ADD3: variants seen among roughly 807,000 people sequenced by gnomAD.
ADD3 encodes the protein gamma-adducin.
A neutral mutation model predicts 80.2 loss-of-function variants in ADD3; 25 were observed. The ratio of observed to expected loss-of-function variants is 0.31; its 90% CI spans 0.23 to 0.44. ADD3 has a LOEUF of 0.44. Ranked by LOEUF, ADD3 falls within the 20% of genes least tolerant of loss-of-function variation. The pLI, the probability that ADD3 is intolerant of heterozygous loss-of-function variation, is 1.00. For synonymous variants in ADD3, 284 were observed against 289.6 expected, an observed-to-expected ratio of 0.98 and a Z score of 0.20; for missense variants, 829 against 847.5, an observed-to-expected ratio of 0.98 and a Z score of 0.27.
At chr10:110,019,389 C>G (rs1409766379) in intron 1 of ADD3, among the ~76,000 whole-genome samples, 3 of 147,606 alleles carry the variant, frequency 2.0e-5, no homozygotes, top group Non-Finnish European at 4.4e-5. Context: ...GAGTCTTGCT[C>G]TGTTGCCCAG....
rs1443878675 is a variant in ADD3 at position 110,073,133 on chromosome 10, G to GTTT, written c.-29-27490_-29-27488dup. Among the ~76,000 whole-genome samples, 54 of 106,460 alleles carry GTTT rather than the reference G, an allele frequency of 5.1e-4. 2 individuals are homozygous for GTTT. The highest frequency in any genetic ancestry group is 1.2e-3 in the African/African-American group (27 of 22,598). 69.8% of individuals were successfully genotyped at this position (106,460 alleles called of 152,430 possible). On this transcript the variant is annotated intron_variant, in intron 1 of 14. Transcript: ENST00000356080. ...ATTTGCTTAACCTCTTTGAGTTTTA[G>GTTT]TTTTCTTTTTTTTTTTTTTTTTTTT...
At chr10:110,128,713 A>G (rs941487381) in intron 12 of ADD3, among the ~76,000 whole-genome samples, 1 of 152,118 alleles carries the variant, frequency 6.6e-6, no homozygotes, top group Non-Finnish European at 1.5e-5. Flanking sequence ...CACCACGCCC[A>G]GCCAACTTTT....
At chr10:109,998,952 A>C (rs892254673) in intron 1 of ADD3, among the ~76,000 whole-genome samples, 12 of 151,754 alleles carry the variant, frequency 7.9e-5, no homozygotes, top group Non-Finnish European at 1.3e-4. Flanking sequence ...TTGTTTTCCC[A>C]GTACAATAAA....
intron 1 of ADD3, among the ~76,000 whole-genome samples, chr10:110,040,485 A>G (rs1415956947): frequency 1.3e-5 from 2 of 152,214 alleles, no homozygotes; most frequent in Non-Finnish European, 2.9e-5. Flanking sequence ...GGAGTACTTA[A>G]TTGCATATTT....
At chr10:110,090,639 A>G (rs533816364) in intron 1 of ADD3, among the ~76,000 whole-genome samples, 51 of 152,332 alleles carry the variant, frequency 3.3e-4, no homozygotes, top group African/African-American at 1.2e-3. Flanking sequence ...CATGTTTGCC[A>G]AGAGTTTATA....
Position 110,112,456 on chromosome 10 carries a change from CT to C in ADD3, c.196-312del, listed in dbSNP as rs561609696. On this transcript the variant is annotated intron_variant, in intron 2 of 14. Transcript: ENST00000356080. ...CTTAGCTAAGCAAGGAGTGGGTCACCTTTTTTTTTACAATGGTTTCTTGGTG... is the reference window on the plus strand; with the variant it reads ...CTTAGCTAAGCAAGGAGTGGGTCACCTTTTTTTTACAATGGTTTCTTGGTG... The C allele has an allele frequency of 5.8e-3, 1,127 of 193,706 alleles. 7 individuals are homozygous for C. Among genetic ancestry groups the C allele is most frequent in the African/African-American group, 0.022 (927 of 42,538 alleles). The allele number at this position is 193,706 out of a possible 1,614,324, so 12.0% of individuals were successfully genotyped here.
At position 110,076,265 on chromosome 10, in the gene ADD3, G is replaced by A. The variant is rs549146582; in HGVS notation, c.-29-24360G>A. 2.6e-5 allele frequency among the ~76,000 whole-genome samples: 4 copies of A among 152,116 alleles called. No homozygotes were observed. In the South Asian group the frequency reaches 6.2e-4, roughly 24 times the overall value. On this transcript the variant is annotated intron_variant, in intron 1 of 14. Coordinates refer to ENST00000356080, the MANE Select transcript of ADD3 (RefSeq NM_016824.5). ...AATAAGTATCAGATGTTTGTTAATA[G>A]TTTCAATAACTGATAAATTATTTTA...
upstream of ADD3, among the ~76,000 whole-genome samples, chr10:110,002,563 C>T (rs1217923770): frequency 2.0e-5 from 3 of 152,046 alleles, no homozygotes; most frequent in Non-Finnish European, 4.4e-5. Flanking sequence ...CATGAGCCAC[C>T]GTGCCTGGCT....
At chr10:110,029,627 C>T (rs1365246714) in intron 1 of ADD3, among the ~76,000 whole-genome samples, 1 of 152,124 alleles carries the variant, frequency 6.6e-6, no homozygotes, top group Non-Finnish European at 1.5e-5. Flanking sequence ...ATGTGTAGGC[C>T]TCATCTGTGG....
At chr10:110,044,097 G>C (rs1856659900) in intron 1 of ADD3, among the ~76,000 whole-genome samples, 1 of 152,128 alleles carries the variant, frequency 6.6e-6, no homozygotes, top group African/African-American at 2.4e-5. Context: ...CAGCTACTCG[G>C]GAGGCTGAGG....
At chr10:110,054,686 C>T (rs1247575285) in intron 1 of ADD3, among the ~76,000 whole-genome samples, 2 of 151,394 alleles carry the variant, frequency 1.3e-5, no homozygotes, top group African/African-American at 4.9e-5. Context: ...GATCTCCGCT[C>T]ACTGCAAGCT....
intron 1 of ADD3, among the ~76,000 whole-genome samples, chr10:110,025,950 T>G (rs74154964): frequency 0.011 from 1,619 of 152,294 alleles, 31 homozygotes; most frequent in African/African-American, 0.038. Context: ...TCATCGAATT[T>G]GGGAAAGTTT....
At chr10:110,052,663 G>A (rs1464060812) in intron 1 of ADD3, among the ~76,000 whole-genome samples, 1 of 152,194 alleles carries the variant, frequency 6.6e-6, no homozygotes, top group African/African-American at 2.4e-5. Flanking sequence ...TTCTTAAACT[G>A]CAGGCTCCTC....
intron 1 of ADD3, among the ~76,000 whole-genome samples, chr10:110,065,553 T>TC: frequency 8.5e-6 from 1 of 117,756 alleles, no homozygotes; most frequent in African/African-American, 3.1e-5. Flanking sequence ...TTTTTTTTTT[T>TC]TTTTGAGAAA....
At chr10:110,104,418 A>G (rs1564985499) in intron 2 of ADD3, among the ~76,000 whole-genome samples, 1 of 152,164 alleles carries the variant, frequency 6.6e-6, no homozygotes, top group African/African-American at 2.4e-5. Flanking sequence ...TTCTTCTTAC[A>G]GAAGTTTTAG....
intron 1 of ADD3, among the ~76,000 whole-genome samples, chr10:110,094,108 G>A (rs563680498): frequency 3.9e-5 from 6 of 151,940 alleles, no homozygotes; most frequent in Admixed American, 6.6e-5. Context: ...TGCATGCTAG[G>A]CAAACGGACC....
At chr10:110,027,326 C>G (rs549142335) in intron 1 of ADD3, among the ~76,000 whole-genome samples, 213 of 152,168 alleles carry the variant, frequency 1.4e-3, no homozygotes, top group South Asian at 3.3e-3. Context: ...GCTAGAACTA[C>G]CTGCATGGTA....
chr10:110,063,585 A>G (rs1189375998), intron 1 of ADD3, among the ~76,000 whole-genome samples: 1 of 151,498 alleles, frequency 6.6e-6, no homozygotes, highest in Non-Finnish European at 1.5e-5. Flanking sequence ...GCATCAAGTT[A>G]TAAATTCTTG....
intron 1 of ADD3, among the ~76,000 whole-genome samples, chr10:110,024,361 T>C (rs1457422250): frequency 6.6e-6 from 1 of 152,136 alleles, no homozygotes; most frequent in Non-Finnish European, 1.5e-5. Flanking sequence ...TAATAAATTA[T>C]TGCCAAAAAA....
Sources: allele counts gnomAD v4.1 joint callset (sites outside exome capture counted in the v4.1 genomes callset), GRCh38; gene constraint gnomAD v4.1.1; transcripts MANE v1.5; gene names NCBI Gene and HGNC (gene_info 2026-07-23, HGNC 2026-07-21).